The following IFT140 variants were observed in gnomAD, a reference collection of about 807,000 sequenced individuals.
The protein encoded by IFT140 is intraflagellar transport protein 140 homolog.
A neutral mutation model predicts 164.6 loss-of-function variants in IFT140; 133 were observed. The ratio of observed to expected loss-of-function variants is 0.81; its 90% CI spans 0.70 to 0.93. The LOEUF is 0.93. Ranked by LOEUF, IFT140 falls within the 40% of genes least tolerant of loss-of-function variation. IFT140 has a pLI of 0.00. For missense variants in IFT140, 2,045 were observed against 1,972.3 expected, an observed-to-expected ratio of 1.04 and a Z score of -0.70; for synonymous variants, 860 against 817.3, an observed-to-expected ratio of 1.05 and a Z score of -0.89.
At chr16:1,572,820 C>T (rs950299740) in intron 13 of IFT140, among the ~76,000 whole-genome samples, 1 of 152,224 alleles carries the variant, frequency 6.6e-6, no homozygotes, top group Admixed American at 6.5e-5. Context: ...ACACCCTGCC[C>T]AGCAGTGGGT....
At position 1,511,035 on chromosome 16, in the gene IFT140, C is replaced by T. The variant is rs138420849; in HGVS notation, c.4298G>A (p.Arg1433His). 7.3e-5 allele frequency: 118 copies of T among 1,605,460 alleles called. 1 individual carries two copies. The Middle Eastern group carries it at 1.3e-3, about 18-fold the overall frequency. ...VHRGLGLPLP[R>H]TVPEQVRHNS... is the part of the protein sequence containing the mutation. ...GTGGCGGACCTGCTCGGGGACGGTGCGTGGCAGTGGGAGACCCAGCCCCCG... is the reference window on the plus strand; with the variant it reads ...GTGGCGGACCTGCTCGGGGACGGTGTGTGGCAGTGGGAGACCCAGCCCCCG... Residue 1433 changes from arginine (R) to histidine (H), a missense_variant, in exon 31 of 31, where the codon CGC becomes CAC. Transcript: ENST00000426508.
At chr16:1,538,934 C>T (rs774861571) in intron 19 of IFT140, among the ~76,000 whole-genome samples, 32 of 152,172 alleles carry the variant, frequency 2.1e-4, no homozygotes, top group Non-Finnish European at 3.7e-4. Context: ...CTGCACAGGC[C>T]CTAGGGCAGG....
At position 1,527,229 on chromosome 16, in the gene IFT140, C is replaced by T. The variant is rs35948750; in HGVS notation, c.2400-433G>A. ...ACCAGCCCTGCACAGCAGGGACCCT[C>T]ACCCGACAGTCTGGCAGCCAAAGGG... On this transcript the variant is annotated intron_variant, in intron 19 of 30. Coordinates refer to ENST00000426508, the MANE Select transcript of IFT140 (RefSeq NM_014714.4). 5.7e-3 allele frequency among the ~76,000 whole-genome samples: 869 copies of T among 152,364 alleles called. 7 individuals carry two copies. Among genetic ancestry groups the T allele is most frequent in the Non-Finnish European group, 7.4e-3 (500 of 68,022 alleles).
At chr16:1,565,455 C>T (rs933170020) in intron 16 of IFT140, among the ~76,000 whole-genome samples, 2 of 151,688 alleles carry the variant, frequency 1.3e-5, no homozygotes, top group Non-Finnish European at 2.9e-5. Context: ...CAGGGGGAAT[C>T]CAGGGGGGCT....
In IFT140 at chr16:1,553,626, A is replaced by G; in HGVS notation, c.2399+4309T>C. 1 of 1,019,774 alleles carries G rather than the reference A, an allele frequency of 9.8e-7. No homozygotes were observed. The allele number at this position is 1,019,774 out of a possible 1,614,324, so 63.2% of individuals were successfully genotyped here. ...TTGGGTACAAGAAACAGACTCACTC[A>G]GGTTACTGTAACAGAGAGGGAGGGG... On this transcript the variant is annotated intron_variant, in intron 19 of 30. Transcript: ENST00000426508. The surrounding 1 kb of genome is among the most constrained non-coding windows in gnomAD (Gnocchi z 4.4).
chr16:1,541,228 A>C, intron 19 of IFT140: 1 of 985,424 alleles, frequency 1.0e-6, no homozygotes, highest in Non-Finnish European at 1.2e-6. Flanking sequence ...CCCTGACTTA[A>C]GCCACTGAGT....
chr16:1,510,958 C>G lies in IFT140; in HGVS notation c.4375G>C (p.Asp1459His), dbSNP rs769920958. The G allele has an allele frequency of 3.1e-6, 5 of 1,611,954 alleles. No individual in the cohort carries two copies. In the South Asian group the frequency reaches 4.4e-5, roughly 14 times the overall value. ...ELDEEVVEEA[D>H]DDP ...GCCCAGGCCCCTCAGGGGTCGTCAT[C>G]TGCCTCTTCCACCACCTCCTCGTCC... is the stretch of plus-strand genomic sequence containing the variant. Residue 1459 changes from aspartate (D) to histidine (H), a missense_variant, in exon 31 of 31, where the codon GAT (aspartate) becomes CAT (histidine). Coordinates refer to ENST00000426508, the MANE Select transcript of IFT140 (RefSeq NM_014714.4).
intron 4 of IFT140, among the ~76,000 whole-genome samples, chr16:1,598,383 A>G (rs1459663863): frequency 1.3e-5 from 2 of 151,984 alleles, no homozygotes; most frequent in African/African-American, 2.4e-5. Context: ...GCGTGAACCT[A>G]GGAGGCGGAG....
rs2032635105 is a variant in IFT140, at chr16:1,551,530, G to A, written c.2399+6405C>T. The stretch of plus-strand genomic sequence containing the variant: ...AGGGTGCTGAGTGCTGGGGAGACAG[G>A]ATGTGAGTTTCATACAGATCAGGGT... On this transcript the variant is annotated intron_variant, in intron 19 of 30. Transcript: ENST00000426508. The surrounding 1 kb of genome is among the most constrained non-coding windows in gnomAD (Gnocchi z 4.0). 6.6e-6 allele frequency among the ~76,000 whole-genome samples: 1 copy of A among 152,188 alleles called. No individual in the cohort carries two copies. Among genetic ancestry groups the A allele is most frequent in the Non-Finnish European group, 1.5e-5 (1 of 68,028 alleles).
rs148068394 is a variant in IFT140 at position 1,539,187 on chromosome 16, T to C, written c.2400-12391A>G. ...CACAGTGCCACGCCGCCCCACGCCT[T>C]GGGCCTCACCAAGCCACACGGTGCC... On this transcript the variant is annotated intron_variant, in intron 19 of 30. Coordinates refer to ENST00000426508, the MANE Select transcript of IFT140 (RefSeq NM_014714.4). 6.4e-4 allele frequency among the ~76,000 whole-genome samples: 95 copies of C among 149,588 alleles called. 2 individuals are homozygous for C. The East Asian group carries it at 0.015, about 24-fold the overall frequency.
chr16:1,611,161 A>T (rs1200353128), intron 1 of IFT140, among the ~76,000 whole-genome samples: 1 of 152,174 alleles, frequency 6.6e-6, no homozygotes, highest in Non-Finnish European at 1.5e-5. Context: ...GGCCTGTTCC[A>T]TCGCCGGGCC....
chr16:1,568,975 A>G (rs1488441126), intron 14 of IFT140, among the ~76,000 whole-genome samples: 1 of 150,934 alleles, frequency 6.6e-6, no homozygotes, highest in East Asian at 1.9e-4. Flanking sequence ...TGCTGACATA[A>G]TCAATACAAA....
intron 7 of IFT140, among the ~76,000 whole-genome samples, chr16:1,588,655 G>A (rs1049845366): frequency 5.3e-5 from 8 of 151,830 alleles, no homozygotes; most frequent in Non-Finnish European, 1.0e-4. Context: ...CCAACCACAC[G>A]CTCTGGGCAG....
rs370335575 is a variant in IFT140 at position 1,526,532 on chromosome 16, G to A, written c.2577+87C>T. 1.4e-4 allele frequency: 189 copies of A among 1,305,150 alleles called. No individual in the cohort carries two copies. The East Asian group carries it at 1.5e-3, about 10-fold the overall frequency. 80.8% of individuals were successfully genotyped at this position (1,305,150 alleles called of 1,614,324 possible). ...GCCCACATCAGTGCAGGCTCAGGCC[G>A]GTGGGCGTGCCTCCTCCTTCCCCAG... On this transcript the variant is annotated intron_variant, in intron 20 of 30. Transcript: ENST00000426508.
intron 3 of IFT140, among the ~76,000 whole-genome samples, chr16:1,604,714 G>A (rs1035432219): frequency 1.3e-5 from 2 of 152,134 alleles, no homozygotes; most frequent in Non-Finnish European, 2.9e-5. Flanking sequence ...AGAGGGGGAT[G>A]GGAACCTGGA....
chr16:1,552,300 A>G (rs530601443), intron 19 of IFT140, among the ~76,000 whole-genome samples: 12 of 150,144 alleles, frequency 8.0e-5, no homozygotes, highest in Admixed American at 3.3e-4. Flanking sequence ...CTGGGCTGGG[A>G]CTCTCCCCAA....
chr16:1,584,913 A>G (rs1465322557), intron 10 of IFT140, among the ~76,000 whole-genome samples: 1 of 152,228 alleles, frequency 6.6e-6, no homozygotes, highest in Non-Finnish European at 1.5e-5. Context: ...TATAGGAAAA[A>G]ACCCAGACAT....
intron 19 of IFT140, among the ~76,000 whole-genome samples, chr16:1,536,464 T>A (rs1038621773): frequency 3.3e-5 from 5 of 152,178 alleles, no homozygotes; most frequent in African/African-American, 1.2e-4. Context: ...AACATCCTCC[T>A]GCAACTTGTA....
At chr16:1,567,759 CCT>C (rs1191484076) in intron 15 of IFT140, among the ~76,000 whole-genome samples, 2 of 152,218 alleles carry the variant, frequency 1.3e-5, no homozygotes, top group Non-Finnish European at 2.9e-5. Flanking sequence ...CCCTGCCACC[CCT>C]GCCAGACCCT....
Sources: allele counts gnomAD v4.1 joint callset (sites outside exome capture counted in the v4.1 genomes callset), GRCh38; gene constraint gnomAD v4.1.1; non-coding constraint Gnocchi (gnomAD v3.1); transcripts MANE v1.5; gene names NCBI Gene and HGNC (gene_info 2026-07-23, HGNC 2026-07-21).